Variants in SRL observed in about 807,000 individuals in gnomAD.
SRL encodes the protein sarcalumenin.
In SRL, 23 loss-of-function variants were observed where a neutral mutation model predicts 39.5. The ratio of observed to expected loss-of-function variants is 0.58; its 90% confidence interval spans 0.42 to 0.82. The LOEUF (loss-of-function observed/expected upper bound fraction) is 0.82, where lower values mean the gene tolerates loss of function less well. Among genes scored for constraint, SRL ranks in the 40% least tolerant of loss-of-function variants. The pLI, the probability that SRL is intolerant of heterozygous loss-of-function variation, is 0.00. For missense variants in SRL, 592 were observed against 607.8 expected (o/e 0.97, Z 0.27); for synonymous variants, 272 against 237.4 (o/e 1.15, Z -1.34).
chr16:4,195,773 G>C lies in SRL; in HGVS notation c.390C>G (p.Thr130=). The change falls in exon 5 of 6, where the codon ACC becomes ACG. Residue 130 remains threonine, a synonymous_variant. Coordinates refer to ENST00000399609, the MANE Select transcript of SRL (RefSeq NM_001098814.2). The part of the protein sequence containing the change: ...RYQLYTGAEP[T]TSEFTVLMHG... ...GCATGAGGACCGTGAACTCAGAGGT[G>C]GTGGGTTCAGCGCCTGGGCACACGG... 9 of 1,613,838 alleles carry C rather than the reference G, an allele frequency of 5.6e-6. No homozygotes were observed. Among genetic ancestry groups the C allele is most frequent in the Non-Finnish European group, 7.6e-6 (9 of 1,179,880 alleles).
intron 1 of SRL, 71 bp downstream of exon 1, chr16:4,241,936 T>C (rs940862762): frequency 3.2e-6 from 5 of 1,563,860 alleles, no homozygotes; most frequent in Admixed American, 3.4e-5. Flanking sequence ...ACCCAACCCA[T>C]GGTAGACAGA....
chr16:4,229,095 G>A (rs576339679), intron 1 of SRL, among the ~76,000 whole-genome samples: 1 of 151,316 alleles, frequency 6.6e-6, no homozygotes, highest in Non-Finnish European at 1.5e-5. Context: ...CACCAACGGT[G>A]GCCTGAATCA....
intron 1 of SRL, among the ~76,000 whole-genome samples, chr16:4,218,632 C>G (rs2052488034): frequency 6.6e-6 from 1 of 152,180 alleles, no homozygotes; most frequent in South Asian, 2.1e-4. Context: ...ACCACGTGGG[C>G]CCTGCTCCTC....
At chr16:4,217,860 G>A (rs1161095081) in intron 1 of SRL, among the ~76,000 whole-genome samples, 4 of 152,168 alleles carry the variant, frequency 2.6e-5, no homozygotes, top group African/African-American at 4.8e-5. Flanking sequence ...GGCCCTTCAC[G>A]CTGTTCCTTT....
chr16:4,219,746 C>A (rs1256004340), intron 1 of SRL, among the ~76,000 whole-genome samples: 1 of 152,272 alleles, frequency 6.6e-6, no homozygotes, highest in Non-Finnish European at 1.5e-5. Context: ...CAGGTGTGAG[C>A]CACCACGCCT....
chr16:4,236,939 C>T lies in SRL; in HGVS notation c.61+5068G>A, dbSNP rs1044460928. ...ACAGGTGTAAGCCACTGCACCCAGC[C>T]GTGAACTTTTTTTTTTTTTTGAGAC... On this transcript the variant is annotated intron_variant, in intron 1 of 5. Transcript: ENST00000399609. 2.6e-5 allele frequency among the ~76,000 whole-genome samples: 4 copies of T among 151,436 alleles called. No homozygotes were observed. The East Asian group carries it at 5.8e-4, about 22-fold the overall frequency.
intron 1 of SRL, among the ~76,000 whole-genome samples, chr16:4,213,404 C>CTTTTTTTTT (rs1176583909): frequency 5.0e-4 from 35 of 69,582 alleles, no homozygotes; most frequent in African/African-American, 1.2e-3. Flanking sequence ...TTTTCTTTTT[C>CTTTTTTTTT]TTTTTTTTTT....
chr16:4,199,325 G>A (rs1487750131), intron 3 of SRL, among the ~76,000 whole-genome samples: 1 of 147,896 alleles, frequency 6.8e-6, no homozygotes, highest in African/African-American at 2.5e-5. Flanking sequence ...ACATTTTAAT[G>A]CATATATAAG....
chr16:4,234,568 G>T (rs2052695464), intron 1 of SRL, among the ~76,000 whole-genome samples: 1 of 152,208 alleles, frequency 6.6e-6, no homozygotes, highest in South Asian at 2.1e-4. Context: ...ATTAGAGAAG[G>T]ATGACAGCAC....
chr16:4,209,047 C>A (rs2052360734), intron 1 of SRL, among the ~76,000 whole-genome samples: 1 of 152,104 alleles, frequency 6.6e-6, no homozygotes, highest in South Asian at 2.1e-4. Flanking sequence ...TCGAGATAGG[C>A]AGATCACCTG....
In SRL at chr16:4,192,611, T is replaced by A. The variant is rs116016015; in HGVS notation, c.964A>T (p.Ile322Phe). 1 of 1,614,198 alleles carries A rather than the reference T, an allele frequency of 6.2e-7. No homozygotes were observed. The highest frequency in any genetic ancestry group is 1.3e-5 in the African/African-American group (1 of 75,054). The change falls in exon 6 of 6, where the codon ATC becomes TTC. Residue 322 changes from isoleucine to phenylalanine, a missense_variant. Transcript: ENST00000399609. This position sits in a 1 kb window ranked among gnomAD's most constrained non-coding sequence, Gnocchi z 4.0. ...ATCTTGTTCTCCAGTCTGTTCTCGA[T>A]CACCTGATTCAGGTCTTCTAGGAGG... is the stretch of plus-strand genomic sequence containing the variant. Reference protein sequence around the residue: ...ISLLEDLNQVIENRLENKIAF... With the variant: ...ISLLEDLNQVFENRLENKIAF...
At chr16:4,228,235 A>G (rs62037575) in intron 1 of SRL, among the ~76,000 whole-genome samples, 65,057 of 151,698 alleles carry the variant, frequency 0.43, 15,504 homozygotes, top group Middle Eastern at 0.54. Context: ...TCAGGAGTTC[A>G]AGATCAGCCT....
At chr16:4,233,869 G>A (rs2052685395) in intron 1 of SRL, among the ~76,000 whole-genome samples, 1 of 152,062 alleles carries the variant, frequency 6.6e-6, no homozygotes, top group Non-Finnish European at 1.5e-5. Context: ...CCTAACCCGA[G>A]TCCATCCTGC....
chr16:4,209,787 G>A (rs2052370622), intron 1 of SRL, among the ~76,000 whole-genome samples: 1 of 152,178 alleles, frequency 6.6e-6, no homozygotes, highest in South Asian at 2.1e-4. Context: ...CCTTCTTTAC[G>A]ACTGTCAGAG....
chr16:4,202,606 C>G (rs1398464491), intron 3 of SRL, among the ~76,000 whole-genome samples: 1 of 149,338 alleles, frequency 6.7e-6, no homozygotes, highest in Non-Finnish European at 1.5e-5. Context: ...AAAAAAAAAG[C>G]TGGAGGTCAA....
intron 1 of SRL, among the ~76,000 whole-genome samples, chr16:4,237,445 C>T (rs907874371): frequency 6.6e-6 from 1 of 152,122 alleles, no homozygotes; most frequent in Non-Finnish European, 1.5e-5. Context: ...CCCAGGTCCA[C>T]ACTCCCTCAC....
intron 3 of SRL, among the ~76,000 whole-genome samples, chr16:4,202,947 C>T (rs184724706): frequency 4.6e-5 from 7 of 152,362 alleles, no homozygotes; most frequent in Non-Finnish European, 8.8e-5. Context: ...AAGCATCGCG[C>T]TGTGCTGGTG....
chr16:4,226,954 A>G (rs2052597643), intron 1 of SRL, among the ~76,000 whole-genome samples: 1 of 145,930 alleles, frequency 6.9e-6, no homozygotes, highest in Admixed American at 6.8e-5. Flanking sequence ...ATGGATGAGT[A>G]GATGCATGGA....
intron 1 of SRL, among the ~76,000 whole-genome samples, chr16:4,208,357 C>G (rs960046966): frequency 2.0e-5 from 3 of 152,018 alleles, no homozygotes; most frequent in Non-Finnish European, 2.9e-5. Flanking sequence ...CCATCACTAA[C>G]GAAGTGAGCA....
Sources: gnomAD v4.1 joint callset for allele counts (sites outside exome capture counted in the v4.1 genomes callset) on GRCh38, gnomAD v4.1.1 for gene constraint, Gnocchi (gnomAD v3.1) non-coding constraint, MANE v1.5 for transcripts, NCBI Gene and HGNC (gene_info 2026-07-23, HGNC 2026-07-21) for gene names.